ADAMTSL1: variants seen among roughly 807,000 people sequenced by gnomAD.
ADAMTSL1 encodes the protein ADAMTS like 1, also known as ADAMTS-like protein 1.
A neutral mutation model predicts 201.8 loss-of-function variants in ADAMTSL1; 126 were observed. The observed-to-expected ratio is 0.62, with a 90% CI of 0.54 to 0.72. ADAMTSL1 has a LOEUF of 0.72. Among genes scored for constraint, ADAMTSL1 ranks in the 30% least tolerant of loss-of-function variants. The pLI is 0.00. For synonymous variants in ADAMTSL1, 1,121 were observed against 903.4 expected (o/e 1.24, Z -4.32); for missense variants, 2,679 against 2,277.8 (o/e 1.18, Z -3.59).
intron 1 of ADAMTSL1, among the ~76,000 whole-genome samples, chr9:17,947,347 C>CACACA (rs1563913389): frequency 7.1e-5 from 8 of 113,060 alleles, no homozygotes; most frequent in African/African-American, 2.6e-4. Flanking sequence ...ACACACACAC[C>CACACA]CCACTATGCA....
chr9:17,951,333 G>A (rs2840785), intron 1 of ADAMTSL1, among the ~76,000 whole-genome samples: 131,116 of 152,160 alleles, frequency 0.86, 56,583 homozygotes, highest in East Asian at 0.94. Flanking sequence ...GAGTTTCTCC[G>A]GAGTGTCCAT....
chr9:18,753,531 A>G (rs56778727), intron 16 of ADAMTSL1, 23 bp downstream of exon 16: 274,175 of 1,595,054 alleles, frequency 0.17, 24,444 homozygotes, highest in Admixed American at 0.24. Context: ...GTTACTCAAT[A>G]TTGGAGCTTT....
intron 1 of ADAMTSL1, among the ~76,000 whole-genome samples, chr9:17,986,890 A>T (rs1330223615): frequency 5.3e-5 from 8 of 152,096 alleles, no homozygotes; most frequent in African/African-American, 1.9e-4. Context: ...AAAGGTAAAT[A>T]AAAAAGTGCT....
chr9:18,690,958 G>C (rs1345006948), intron 13 of ADAMTSL1, among the ~76,000 whole-genome samples: 1 of 152,180 alleles, frequency 6.6e-6, no homozygotes, highest in Non-Finnish European at 1.5e-5. Flanking sequence ...CTATGTACCA[G>C]GTGCAGGTAT....
intron 2 of ADAMTSL1, among the ~76,000 whole-genome samples, chr9:18,299,057 C>A (rs540907643): frequency 6.6e-6 from 1 of 151,566 alleles, no homozygotes; most frequent in Non-Finnish European, 1.5e-5. Context: ...GCCGTTTTTG[C>A]TAAGCAACAT....
intron 26 of ADAMTSL1, among the ~76,000 whole-genome samples, chr9:18,895,583 G>C (rs915727585): frequency 6.6e-6 from 1 of 152,156 alleles, no homozygotes; most frequent in Non-Finnish European, 1.5e-5. Context: ...AAGTCCCAAG[G>C]ACAGCCTTGA....
chr9:18,529,799 T>G (rs1819322043), intron 2 of ADAMTSL1, among the ~76,000 whole-genome samples: 1 of 152,102 alleles, frequency 6.6e-6, no homozygotes, highest in African/African-American at 2.4e-5. Context: ...AAAAAAGTAA[T>G]ATATTAAAGG....
At chr9:18,351,381 C>T (rs1022216152) in intron 2 of ADAMTSL1, among the ~76,000 whole-genome samples, 1 of 151,854 alleles carries the variant, frequency 6.6e-6, no homozygotes. Context: ...TAATGATTTA[C>T]TTGCAAGGCA....
chr9:17,978,999 C>A (rs1230927010), intron 1 of ADAMTSL1, among the ~76,000 whole-genome samples: 1 of 151,430 alleles, frequency 6.6e-6, no homozygotes, highest in Non-Finnish European at 1.5e-5. Flanking sequence ...TGTGTCACTG[C>A]ACTGTCTCCT....
In ADAMTSL1 at chr9:18,584,325, A is replaced by G. The variant is rs191200279; in HGVS notation, c.474+10059A>G. ...CACAAGCTCTCTTCTTTTGTCTGCC[A>G]CCATGTGAGATGTCCCTGTCACCTT... On this transcript the variant is annotated intron_variant, in intron 4 of 28. Coordinates refer to ENST00000380548, the MANE Select transcript of ADAMTSL1 (RefSeq NM_001040272.6). 1.9e-3 allele frequency among the ~76,000 whole-genome samples: 289 copies of G among 151,518 alleles called. 1 individual carries two copies. The highest frequency in any genetic ancestry group is 3.4e-3 in the Middle Eastern group (1 of 294).
chr9:18,612,866 G>A (rs1485043605), intron 4 of ADAMTSL1, among the ~76,000 whole-genome samples: 1 of 152,108 alleles, frequency 6.6e-6, no homozygotes, highest in Non-Finnish European at 1.5e-5. Context: ...TTGACAAATG[G>A]GATCTAATTA....
At chr9:18,636,504 G>C (rs1236227682) in intron 6 of ADAMTSL1, among the ~76,000 whole-genome samples, 1 of 152,052 alleles carries the variant, frequency 6.6e-6, no homozygotes, top group African/African-American at 2.4e-5. Flanking sequence ...AACCATCATG[G>C]TGTAATTAAG....
chr9:18,053,846 C>T (rs1822051569), intron 1 of ADAMTSL1, among the ~76,000 whole-genome samples: 1 of 152,184 alleles, frequency 6.6e-6, no homozygotes, highest in African/African-American at 2.4e-5. Flanking sequence ...TCGTCAAAAC[C>T]CTAACAGATA....
chr9:18,109,490 A>C (rs186168245), intron 1 of ADAMTSL1, among the ~76,000 whole-genome samples: 71 of 152,238 alleles, frequency 4.7e-4, no homozygotes, highest in African/African-American at 1.6e-3. Context: ...CTGTCATCCA[A>C]CTTCAGTTTA....
At chr9:17,974,159 G>A (rs1304100514) in intron 1 of ADAMTSL1, among the ~76,000 whole-genome samples, 1 of 151,980 alleles carries the variant, frequency 6.6e-6, no homozygotes, top group Non-Finnish European at 1.5e-5. Context: ...GGCAAAAACT[G>A]GAAGCATTCA....
chr9:18,566,213 A>G (rs943040709), intron 3 of ADAMTSL1, among the ~76,000 whole-genome samples: 1 of 152,206 alleles, frequency 6.6e-6, no homozygotes, highest in African/African-American at 2.4e-5. Flanking sequence ...AATTCCTGCA[A>G]GACTTATGAA....
intron 11 of ADAMTSL1, chr9:18,681,402 T>C (rs1190042151): frequency 6.5e-6 from 1 of 152,842 alleles, no homozygotes; most frequent in Non-Finnish European, 1.5e-5. Context: ...GATATCCATG[T>C]AGGGGTATTT....
chr9:17,921,610 G>A (rs1015385133), intron 1 of ADAMTSL1, among the ~76,000 whole-genome samples: 20 of 152,002 alleles, frequency 1.3e-4, no homozygotes, highest in Admixed American at 5.2e-4. Context: ...AACTCATTCT[G>A]GTTATGAGGC....
intron 1 of ADAMTSL1, among the ~76,000 whole-genome samples, chr9:18,152,430 C>T (rs575264753): frequency 6.6e-6 from 1 of 152,092 alleles, no homozygotes; most frequent in African/African-American, 2.4e-5. Context: ...ATTTGGGAAT[C>T]ATCTGCCTAA....
Sources: allele counts gnomAD v4.1 joint callset (sites outside exome capture counted in the v4.1 genomes callset), GRCh38; gene constraint gnomAD v4.1.1; transcripts MANE v1.5; gene names NCBI Gene and HGNC (gene_info 2026-07-23, HGNC 2026-07-21).